Variants in CCDC6 observed in about 807,000 individuals in gnomAD.
The protein encoded by CCDC6 is coiled-coil domain-containing protein 6.
A neutral mutation model predicts 56.6 loss-of-function variants in CCDC6; 20 were observed. The ratio of observed to expected loss-of-function variants is 0.35; its 90% CI spans 0.25 to 0.51. CCDC6 has a LOEUF of 0.51. CCDC6 is among the 20% of genes least tolerant of loss of function. CCDC6 has a pLI of 0.95. For missense variants in CCDC6, 367 were observed against 601.1 expected, an observed-to-expected ratio of 0.61 and a Z score of 4.07; for synonymous variants, 241 against 234.4, an observed-to-expected ratio of 1.03 and a Z score of -0.26.
chr10:59,878,837 A>G (rs2071307165), intron 1 of CCDC6, among the ~76,000 whole-genome samples: 1 of 152,176 alleles, frequency 6.6e-6, no homozygotes, highest in Non-Finnish European at 1.5e-5. Flanking sequence ...CCCCTTTCAG[A>G]AAATTTTTTT....
chr10:59,827,065 A>G (rs933827815), intron 3 of CCDC6, among the ~76,000 whole-genome samples: 1 of 152,200 alleles, frequency 6.6e-6, no homozygotes, highest in African/African-American at 2.4e-5. Context: ...CATAGCACAG[A>G]CACCTAACTG....
chr10:59,834,996 T>C (rs1274254798), intron 2 of CCDC6, among the ~76,000 whole-genome samples: 1 of 152,248 alleles, frequency 6.6e-6, no homozygotes, highest in East Asian at 1.9e-4. Flanking sequence ...AGGCGAGATC[T>C]ATAGTTAACA....
intron 2 of CCDC6, among the ~76,000 whole-genome samples, chr10:59,833,068 T>C (rs1055409251): frequency 3.9e-5 from 6 of 152,230 alleles, no homozygotes; most frequent in East Asian, 1.9e-4. Flanking sequence ...AGTGTACAAG[T>C]AAGCATGCCT....
chr10:59,877,778 C>T (rs1247660853), intron 1 of CCDC6, among the ~76,000 whole-genome samples: 1 of 152,222 alleles, frequency 6.6e-6, no homozygotes, highest in African/African-American at 2.4e-5. Context: ...CAGACATCCA[C>T]CTACAATGTG....
chr10:59,854,815 G>A (rs1282580724), intron 1 of CCDC6, among the ~76,000 whole-genome samples: 1 of 152,144 alleles, frequency 6.6e-6, no homozygotes, highest in Non-Finnish European at 1.5e-5. Context: ...CAAGCTACTT[G>A]TTTTTCTGGT....
chr10:59,885,057 C>A (rs2071371871), intron 1 of CCDC6, among the ~76,000 whole-genome samples: 1 of 66,580 alleles, frequency 1.5e-5, no homozygotes. Flanking sequence ...GAGCGAGACT[C>A]CGTAACAACA....
intron 1 of CCDC6, among the ~76,000 whole-genome samples, chr10:59,892,851 C>T (rs928088143): frequency 1.3e-5 from 2 of 152,082 alleles, no homozygotes; most frequent in South Asian, 2.1e-4. Context: ...TTAATAAGCA[C>T]ATAAGTCCTG....
intron 1 of CCDC6, among the ~76,000 whole-genome samples, chr10:59,871,099 G>A (rs181604562): frequency 6.6e-6 from 1 of 152,276 alleles, no homozygotes; most frequent in Admixed American, 6.5e-5. Context: ...TCCCATGAGT[G>A]AAGTTTTATT....
At chr10:59,890,261 A>G (rs2071412040) in intron 1 of CCDC6, among the ~76,000 whole-genome samples, 1 of 152,216 alleles carries the variant, frequency 6.6e-6, no homozygotes, top group Non-Finnish European at 1.5e-5. Flanking sequence ...CCAGTCAACG[A>G]TGGCTTTCAG....
In CCDC6 at chr10:59,790,766, C is replaced by T. The variant is rs933415952; in HGVS notation, c.*2151G>A. On this transcript the variant is annotated 3_prime_UTR_variant, in exon 9 of 9. Transcript: ENST00000263102. ...GAACCTATCTCTAAAAGGCATTTAT[C>T]AGGAAATGTTCGCTCACTCCAAGTG... 3 of 215,208 alleles carry T rather than the reference C, an allele frequency of 1.4e-5. No homozygotes were observed. The highest frequency in any genetic ancestry group is 6.8e-5 in the African/African-American group (3 of 44,228). 13.3% of individuals were successfully genotyped at this position (215,208 alleles called of 1,614,324 possible). A position where few individuals can be genotyped will look rare whatever the true frequency, so the allele number is the denominator to read the frequency against.
intron 3 of CCDC6, among the ~76,000 whole-genome samples, chr10:59,824,156 T>C (rs931828237): frequency 2.0e-5 from 3 of 152,238 alleles, no homozygotes; most frequent in African/African-American, 7.2e-5. Context: ...TTCTATTTAA[T>C]TGAAATTGAG....
At chr10:59,841,671 G>GT (rs1564746331) in intron 2 of CCDC6, among the ~76,000 whole-genome samples, 2 of 141,024 alleles carry the variant, frequency 1.4e-5, no homozygotes, top group African/African-American at 5.0e-5. Context: ...TGTTTTTTTT[G>GT]TTTGTTTTTT....
intron 1 of CCDC6, among the ~76,000 whole-genome samples, chr10:59,894,044 G>A (rs571361641): frequency 6.6e-6 from 1 of 152,298 alleles, no homozygotes; most frequent in Non-Finnish European, 1.5e-5. Context: ...ACCATACCCA[G>A]AAACACCACA....
chr10:59,842,810 G>C (rs2070952090), intron 2 of CCDC6, among the ~76,000 whole-genome samples: 1 of 145,816 alleles, frequency 6.9e-6, no homozygotes, highest in East Asian at 2.0e-4. Context: ...CTGGAGTGCA[G>C]TGGCGCAATC....
Position 59,804,427 on chromosome 10 carries a change from T to C in CCDC6, c.1098A>G (p.Ile366Met). 6.2e-7 allele frequency: 1 copy of C among 1,602,122 alleles called. No homozygotes were observed. Among genetic ancestry groups the C allele is most frequent in the East Asian group, 2.2e-5 (1 of 44,814 alleles). Residue 366 changes from isoleucine to methionine, a missense_variant, in exon 7 of 9, where the codon ATA (isoleucine) becomes ATG (methionine). Physicochemically the swap from Ile to Met is conservative, Grantham distance 10 (BLOSUM62 1). Around this residue, in one of 7 missense-constraint regions of CCDC6, gnomAD observed 79 missense variants for 83.9 expected, o/e 0.94. Transcript: ENST00000263102. ...YTPSPSSSRPISPGLSYASHT... is the reference protein window; with the variant it reads ...YTPSPSSSRPMSPGLSYASHT... ...CCAAAGACATATGCTCACCAGGTGA[T>C]ATAGGCCTGCTTGAACTCGGAGAAG...
intron 1 of CCDC6, among the ~76,000 whole-genome samples, chr10:59,866,563 T>C (rs1211860301): frequency 6.6e-6 from 1 of 152,202 alleles, no homozygotes; most frequent in African/African-American, 2.4e-5. Context: ...CCTGGCAACA[T>C]GGCAGGCTCT....
chr10:59,862,501 G>GTATATATATATA (rs146237484), intron 1 of CCDC6, among the ~76,000 whole-genome samples: 114 of 84,982 alleles, frequency 1.3e-3, no homozygotes, highest in East Asian at 3.8e-3. Context: ...AAAAAAAAAA[G>GTATATATATATA]TATATATATA....
chr10:59,843,248 G>A (rs539784561), intron 2 of CCDC6, among the ~76,000 whole-genome samples: 2 of 152,286 alleles, frequency 1.3e-5, no homozygotes, highest in South Asian at 2.1e-4. Flanking sequence ...ATTTGGACCT[G>A]GAATTCATTG....
At chr10:59,886,277 A>G (rs1171815) in intron 1 of CCDC6, among the ~76,000 whole-genome samples, 99,813 of 152,074 alleles carry the variant, frequency 0.66, 33,216 homozygotes, top group East Asian at 0.86. Flanking sequence ...CTGGAGGAAG[A>G]AGGAGGCTAC....
Sources: allele counts gnomAD v4.1 joint callset (sites outside exome capture counted in the v4.1 genomes callset), GRCh38; gene constraint gnomAD v4.1.1; regional missense constraint gnomAD v4.1.1; transcripts MANE v1.5; gene names NCBI Gene and HGNC (gene_info 2026-07-23, HGNC 2026-07-21).